Variants in GPLD1 observed in about 807,000 individuals in gnomAD.
GPLD1 encodes the protein phosphatidylinositol-glycan-specific phospholipase D.
A neutral mutation model predicts 112.6 loss-of-function variants in GPLD1; 84 were observed. The ratio of observed to expected loss-of-function variants is 0.75; its 90% confidence interval spans 0.63 to 0.89. The LOEUF (loss-of-function observed/expected upper bound fraction) is 0.89. GPLD1 is among the 40% of genes least tolerant of loss of function. The probability of loss-of-function intolerance (pLI) is 0.00; values close to 1 mark genes in which losing one functional copy is unlikely to be tolerated. For missense variants in GPLD1, 1,044 were observed against 1,051.5 expected (o/e 0.99, Z 0.10); for synonymous variants, 386 against 403.8 (o/e 0.96, Z 0.53).
chr6:24,440,987 G>A (rs9467158), intron 20 of GPLD1, among the ~76,000 whole-genome samples: 33,999 of 152,036 alleles, frequency 0.22, 4,006 homozygotes, highest in Non-Finnish European at 0.25. Flanking sequence ...CAAAATCCAC[G>A]GATGTTCAAG....
chr6:24,437,371 C>T, intron 20 of GPLD1, 82 bp from the exon 21 acceptor site: 1 of 1,293,002 alleles, frequency 7.7e-7, no homozygotes, highest in East Asian at 2.3e-5. Context: ...CCTCAAGTGA[C>T]ACTGATCACT....
intron 23 of GPLD1, 56 bp downstream of exon 23, chr6:24,433,307 C>T: frequency 6.3e-7 from 1 of 1,579,576 alleles, no homozygotes; most frequent in Non-Finnish European, 8.7e-7. Context: ...TTAAAATAAA[C>T]CAAGGGGCAT....
At chr6:24,455,517 ATGT>A (rs976380868) in intron 13 of GPLD1, among the ~76,000 whole-genome samples, 3 of 152,102 alleles carry the variant, frequency 2.0e-5, no homozygotes, top group Admixed American at 6.6e-5. Flanking sequence ...TTAGTTTTGT[ATGT>A]TGTTGTTGTT....
chr6:24,454,206 G>C lies in GPLD1; in HGVS notation c.1149-5C>G. ...AGGTCAGCTGAGGTCATTGCCCTTAGGGAAGTGAAGGGACCCACCATGGTA... is the reference window on the plus strand; with the variant it reads ...AGGTCAGCTGAGGTCATTGCCCTTACGGAAGTGAAGGGACCCACCATGGTA... On this transcript the variant is annotated splice_polypyrimidine_tract_variant and splice_region_variant and intron_variant, in intron 13 of 24. Transcript: ENST00000230036. 6.2e-7 allele frequency: 1 copy of C among 1,602,978 alleles called. No homozygotes were observed.
intron 3 of GPLD1, among the ~76,000 whole-genome samples, chr6:24,478,276 T>A (rs985482094): frequency 2.0e-5 from 3 of 152,072 alleles, no homozygotes; most frequent in Non-Finnish European, 4.4e-5. Flanking sequence ...AATAATAGGA[T>A]TGAGAAATGA....
At chr6:24,458,374 T>C (rs994735836) in intron 12 of GPLD1, among the ~76,000 whole-genome samples, 2 of 152,116 alleles carry the variant, frequency 1.3e-5, no homozygotes, top group African/African-American at 4.8e-5. Context: ...CAGGAAGCAA[T>C]TAATCAGCTC....
chr6:24,431,965 G>T (rs1376212000), intron 24 of GPLD1, among the ~76,000 whole-genome samples: 1 of 152,054 alleles, frequency 6.6e-6, no homozygotes, highest in Admixed American at 6.6e-5. Context: ...ATACGTACAA[G>T]AATGCTCACT....
intron 12 of GPLD1, among the ~76,000 whole-genome samples, chr6:24,458,826 T>C (rs1285622079): frequency 6.6e-6 from 1 of 151,572 alleles, no homozygotes. Context: ...TACAGTGAGC[T>C]GAGGTGGTAC....
chr6:24,491,232 C>G (rs1013355035), upstream of GPLD1, among the ~76,000 whole-genome samples: 6 of 152,166 alleles, frequency 3.9e-5, no homozygotes, highest in Non-Finnish European at 8.8e-5. Context: ...CCCTGTCACT[C>G]TGGGCCTTCT....
chr6:24,464,663 G>A (rs540306962), intron 10 of GPLD1, among the ~76,000 whole-genome samples: 2 of 152,312 alleles, frequency 1.3e-5, no homozygotes, highest in South Asian at 2.1e-4. Flanking sequence ...ACATTCTGTA[G>A]GCCATTCCAA....
intron 22 of GPLD1, among the ~76,000 whole-genome samples, chr6:24,435,189 C>T (rs991516017): frequency 1.3e-5 from 2 of 150,924 alleles, no homozygotes; most frequent in Non-Finnish European, 2.9e-5. Context: ...TTTTTTGTAT[C>T]TTTAGTAGGG....
chr6:24,457,379 G>A (rs1763301421), intron 12 of GPLD1, among the ~76,000 whole-genome samples: 1 of 152,062 alleles, frequency 6.6e-6, no homozygotes, highest in Non-Finnish European at 1.5e-5. Flanking sequence ...TACTTGGGAG[G>A]CTGAAATGGG....
intron 23 of GPLD1, 44 bp from the exon 24 acceptor site, chr6:24,433,281 G>A (rs754578007): frequency 6.3e-7 from 1 of 1,590,136 alleles, no homozygotes; most frequent in Non-Finnish European, 8.6e-7. Flanking sequence ...AGAACATAGT[G>A]TAATACTTTA....
At chr6:24,463,372 T>C (rs1035142445) in intron 10 of GPLD1, among the ~76,000 whole-genome samples, 31 of 152,150 alleles carry the variant, frequency 2.0e-4, no homozygotes, top group South Asian at 4.1e-4. Flanking sequence ...ATGAAGACTA[T>C]CTTAAGATTT....
chr6:24,431,535 C>CAT (rs969770411), intron 24 of GPLD1, among the ~76,000 whole-genome samples: 3 of 139,036 alleles, frequency 2.2e-5, no homozygotes, highest in Non-Finnish European at 3.1e-5. Flanking sequence ...TAAGGTTAAA[C>CAT]TTTTTTTTTT....
In GPLD1 at chr6:24,447,650, C is replaced by T. The variant is rs141327814; in HGVS notation, c.1678+227G>A. 9.0e-4 allele frequency among the ~76,000 whole-genome samples: 137 copies of T among 152,290 alleles called. 2 individuals are homozygous for T. The East Asian group carries it at 0.023, about 26-fold the overall frequency. On this transcript the variant is annotated intron_variant, in intron 17 of 24. Transcript: ENST00000230036. ...TACATGGAGACACTATGGGAATAGTCTATTTGCCCTCTTTGGCTCTCTACC... is the reference window on the plus strand; with the variant it reads ...TACATGGAGACACTATGGGAATAGTTTATTTGCCCTCTTTGGCTCTCTACC...
At chr6:24,461,872 GTTA>G (rs1763448866) in intron 11 of GPLD1, among the ~76,000 whole-genome samples, 1 of 152,036 alleles carries the variant, frequency 6.6e-6, no homozygotes, top group African/African-American at 2.4e-5. Flanking sequence ...TATTATTTGT[GTTA>G]TTTTGTTCTA....
chr6:24,429,748 A>G (rs1469452335), intron 24 of GPLD1, among the ~76,000 whole-genome samples: 2 of 152,158 alleles, frequency 1.3e-5, no homozygotes, highest in Non-Finnish European at 2.9e-5. Context: ...AGCTCTCACC[A>G]TGTTGGCCAG....
chr6:24,495,192 G>A, exon 1 of GPLD1: 2 of 1,504,336 alleles, frequency 1.3e-6, no homozygotes, highest in Non-Finnish European at 1.8e-6. Flanking sequence ...CAGCTTCGTG[G>A]GCGGCCGCTG....
Sources: gnomAD v4.1 joint callset for allele counts (sites outside exome capture counted in the v4.1 genomes callset) on GRCh38, gnomAD v4.1.1 for gene constraint, MANE v1.5 for transcripts, NCBI Gene and HGNC (gene_info 2026-07-23, HGNC 2026-07-21) for gene names.